Variants in OBI1 observed in about 807,000 individuals in gnomAD.
OBI1 encodes the protein ring finger protein 219.
OBI1 carries 59 observed loss-of-function variants against 62.4 expected under a neutral mutation model. The observed-to-expected ratio is 0.95, with a 90% CI of 0.77 to 1.17. The LOEUF (loss-of-function observed/expected upper bound fraction) is 1.17, where lower values mean the gene tolerates loss of function less well. Ranked by LOEUF, OBI1 falls within the 50% of genes most tolerant of loss-of-function variation. OBI1 has a pLI of 0.00. For synonymous variants in OBI1, 302 were observed against 292.8 expected (o/e 1.03, Z -0.32); for missense variants, 875 against 830.9 (o/e 1.05, Z -0.65).
chr13:78,638,781 T>G, intron 4 of OBI1, 42 bp downstream of exon 4: 3 of 1,548,372 alleles, frequency 1.9e-6, no homozygotes, highest in Non-Finnish European at 2.6e-6. Flanking sequence ...AGGTACTTAT[T>G]TTAAAAACAA....
intron 5 of OBI1, among the ~76,000 whole-genome samples, chr13:78,618,627 A>G (rs1159360628): frequency 6.6e-6 from 1 of 151,880 alleles, no homozygotes; most frequent in African/African-American, 2.4e-5. Flanking sequence ...TTTAAAAGAC[A>G]TGATTGCTGA....
At chr13:78,654,846 AT>A (rs932400391) in intron 1 of OBI1, among the ~76,000 whole-genome samples, 14 of 152,210 alleles carry the variant, frequency 9.2e-5, no homozygotes, top group African/African-American at 3.4e-4. Flanking sequence ...CAAATGAAAA[AT>A]ATTTTAATTA....
intron 5 of OBI1, among the ~76,000 whole-genome samples, chr13:78,630,608 G>T (rs1379436041): frequency 6.6e-6 from 1 of 152,034 alleles, no homozygotes; most frequent in Non-Finnish European, 1.5e-5. Context: ...AAAGGTTCAA[G>T]CCCTCATAAG....
chr13:78,657,128 T>G (rs149437993), intron 1 of OBI1, among the ~76,000 whole-genome samples: 1 of 152,166 alleles, frequency 6.6e-6, no homozygotes, highest in Non-Finnish European at 1.5e-5. Context: ...AGTAGAAATA[T>G]GGTAATAACA....
rs1002572326 is a variant in OBI1, at chr13:78,628,981, T to C, written c.638+6129A>G. On this transcript the variant is annotated intron_variant, in intron 5 of 5. Transcript: ENST00000282003. ...ACAATTATTAAAGCCCTAAGCTAAC[T>C]GATTTTAAATTTCATTTCTGATGGC... 1.3e-4 allele frequency among the ~76,000 whole-genome samples: 20 copies of C among 152,314 alleles called. No homozygotes were observed. The East Asian group carries it at 3.9e-3, about 30-fold the overall frequency.
At chr13:78,650,426 A>G (rs1489644666) in intron 1 of OBI1, among the ~76,000 whole-genome samples, 1 of 152,184 alleles carries the variant, frequency 6.6e-6, no homozygotes, top group Admixed American at 6.5e-5. Context: ...GTTCTGGGCC[A>G]TCTTATCTGA....
rs1875210007 is a variant in OBI1, at chr13:78,615,068, T to G, written c.*512A>C. 2 of 152,080 alleles carry G rather than the reference T, an allele frequency of 1.3e-5. No individual in the cohort carries two copies. The highest frequency in any genetic ancestry group is 1.3e-4 in the Admixed American group (2 of 15,266). 9.4% of individuals were successfully genotyped at this position (152,080 alleles called of 1,614,324 possible). ...AGAAAAACTAGGCCATCACTAAACA[T>G]AAATAAAAAGGGACAGGTAAAATAA... On this transcript the variant is annotated 3_prime_UTR_variant, in exon 6 of 6. Coordinates refer to ENST00000282003, the MANE Select transcript of OBI1 (RefSeq NM_024546.4).
intron 1 of OBI1, among the ~76,000 whole-genome samples, chr13:78,651,817 G>A (rs1297264213): frequency 6.6e-6 from 1 of 152,108 alleles, no homozygotes; most frequent in African/African-American, 2.4e-5. Flanking sequence ...CAGGCTCACT[G>A]ACAATAGGGT....
At chr13:78,621,409 G>A (rs1875508287) in intron 5 of OBI1, among the ~76,000 whole-genome samples, 1 of 152,194 alleles carries the variant, frequency 6.6e-6, no homozygotes, top group African/African-American at 2.4e-5. Flanking sequence ...GTCAGTCAGT[G>A]ATTAGTCACT....
chr13:78,642,075 C>G, intron 3 of OBI1, 47 bp downstream of exon 3: 1 of 1,158,254 alleles, frequency 8.6e-7, no homozygotes, highest in Non-Finnish European at 1.3e-6. Context: ...TCAGTTTTTA[C>G]CTTGAATTCA....
At chr13:78,653,899 T>G (rs1258552487) in intron 1 of OBI1, among the ~76,000 whole-genome samples, 1 of 152,132 alleles carries the variant, frequency 6.6e-6, no homozygotes, top group Non-Finnish European at 1.5e-5. Flanking sequence ...TAAAAATGAC[T>G]ATGGTAGGGG....
intron 5 of OBI1, among the ~76,000 whole-genome samples, chr13:78,621,689 T>C (rs988223548): frequency 1.3e-5 from 2 of 152,242 alleles, no homozygotes; most frequent in South Asian, 2.1e-4. Context: ...ATTCTAGATA[T>C]GCCAGAAGCA....
chr13:78,633,883 C>T lies in OBI1; in HGVS notation c.638+1227G>A, dbSNP rs375195024. Among the ~76,000 whole-genome samples the T allele has an allele frequency of 1.6e-4, 24 of 151,804 alleles. No individual in the cohort carries two copies. The South Asian group carries it at 4.2e-3, about 26-fold the overall frequency. On this transcript the variant is annotated intron_variant, in intron 5 of 5. Transcript: ENST00000282003. Reference sequence around the variant, plus strand: ...GAGATCGAGACCATCTTGGCTAACACGGTGAAACCCCGTCTCTACTAAAAA... The same window carrying T: ...GAGATCGAGACCATCTTGGCTAACATGGTGAAACCCCGTCTCTACTAAAAA...
At chr13:78,618,387 A>G (rs1875392140) in intron 5 of OBI1, among the ~76,000 whole-genome samples, 1 of 151,686 alleles carries the variant, frequency 6.6e-6, no homozygotes, top group Non-Finnish European at 1.5e-5. Flanking sequence ...ACATGTATTT[A>G]GTATTGAAAA....
At chr13:78,653,131 C>A (rs544083681) in intron 1 of OBI1, among the ~76,000 whole-genome samples, 7 of 152,286 alleles carry the variant, frequency 4.6e-5, no homozygotes, top group African/African-American at 1.7e-4. Context: ...CCATATCATC[C>A]TAGACTTACC....
chr13:78,618,407 C>T (rs1224940101), intron 5 of OBI1, among the ~76,000 whole-genome samples: 2 of 150,624 alleles, frequency 1.3e-5, no homozygotes, highest in Non-Finnish European at 3.0e-5. Flanking sequence ...AAAAAAACTA[C>T]AAAAAAAGCA....
At chr13:78,620,536 G>A (rs1875475063) in intron 5 of OBI1, 1 of 448,594 alleles carries the variant, frequency 2.2e-6, no homozygotes, top group African/African-American at 2.0e-5. Flanking sequence ...ATTGATATCG[G>A]AACTGTATTC....
intron 3 of OBI1, among the ~76,000 whole-genome samples, chr13:78,641,288 C>A (rs1876208963): frequency 6.6e-6 from 1 of 152,114 alleles, no homozygotes; most frequent in South Asian, 2.1e-4. Flanking sequence ...ACTTAAATAG[C>A]ATTTTCATAA....
At chr13:78,639,170 A>C (rs750792671) in intron 3 of OBI1, 99 bp from the exon 4 acceptor site, 39 of 1,210,120 alleles carry the variant, frequency 3.2e-5, no homozygotes, top group Non-Finnish European at 4.4e-5. Flanking sequence ...TTGTACTTAA[A>C]ATTCTGTAGA....
Sources: gnomAD v4.1 joint callset for allele counts (sites outside exome capture counted in the v4.1 genomes callset) on GRCh38, gnomAD v4.1.1 for gene constraint, MANE v1.5 for transcripts, NCBI Gene and HGNC (gene_info 2026-07-23, HGNC 2026-07-21) for gene names.